VOPP1: variants seen among roughly 807,000 people sequenced by gnomAD.
VOPP1 encodes the protein VOPP1 WW domain binding protein.
In VOPP1, 8 loss-of-function variants were observed where a neutral mutation model predicts 23.5. The ratio of observed to expected loss-of-function variants is 0.34; its 90% CI spans 0.20 to 0.61. The LOEUF (loss-of-function observed/expected upper bound fraction) is 0.61, where lower values mean the gene tolerates loss of function less well. VOPP1 is among the 20% of genes least tolerant of loss of function. The pLI, the probability that VOPP1 is intolerant of heterozygous loss-of-function variation, is 0.78. For missense variants in VOPP1, 174 were observed against 238.1 expected (o/e 0.73, Z 1.77); for synonymous variants, 83 against 97.3 (o/e 0.85, Z 0.86).
intron 2 of VOPP1, among the ~76,000 whole-genome samples, chr7:55,503,424 G>T (rs973432445): frequency 3.9e-5 from 6 of 152,138 alleles, no homozygotes; most frequent in African/African-American, 1.4e-4. Flanking sequence ...TTAGCCTTTG[G>T]GTTACATAAA....
intron 1 of VOPP1, among the ~76,000 whole-genome samples, chr7:55,539,790 C>T (rs980592314): frequency 6.6e-6 from 1 of 152,024 alleles, no homozygotes; most frequent in Non-Finnish European, 1.5e-5. Context: ...GCTGAACCAA[C>T]TATATGGACA....
chr7:55,532,401 C>T (rs1241266155), intron 1 of VOPP1, among the ~76,000 whole-genome samples: 4 of 152,182 alleles, frequency 2.6e-5, no homozygotes, highest in Middle Eastern at 3.4e-3. Context: ...AACCACCTGG[C>T]GCATGCCCAC....
At chr7:55,457,390 G>A (rs932058025) in intron 4 of VOPP1, among the ~76,000 whole-genome samples, 2 of 152,028 alleles carry the variant, frequency 1.3e-5, no homozygotes, top group Non-Finnish European at 2.9e-5. Flanking sequence ...AGATGATTCC[G>A]TATGTTGGCT....
intron 1 of VOPP1, chr7:55,539,547 T>G (rs1458410234): frequency 2.0e-5 from 3 of 152,232 alleles, no homozygotes; most frequent in African/African-American, 7.2e-5. Context: ...GCTCTCTCCC[T>G]GCCTGTCCTT....
intron 1 of VOPP1, among the ~76,000 whole-genome samples, chr7:55,532,869 T>C (rs922926923): frequency 1.3e-5 from 2 of 152,228 alleles, no homozygotes; most frequent in African/African-American, 4.8e-5. Flanking sequence ...TCTGGTAATA[T>C]TTAACCTGGA....
rs58601889 is a variant in VOPP1, at chr7:55,529,364, CAAAAA to C, written c.55-8239_55-8235del. 5.6e-5 allele frequency among the ~76,000 whole-genome samples: 6 copies of C among 107,482 alleles called. No individual in the cohort carries two copies. The South Asian group carries it at 9.5e-4, about 17-fold the overall frequency. 70.5% of individuals were successfully genotyped at this position (107,482 alleles called of 152,430 possible). ...TGGGTGACAGAGCAAGATTCCGTCTCAAAAAAAAAAAAAAAAAAAAAAAAAGAGTC... is the reference window on the plus strand; with the variant it reads ...TGGGTGACAGAGCAAGATTCCGTCTCAAAAAAAAAAAAAAAAAAAAGAGTC... On this transcript the variant is annotated intron_variant, in intron 1 of 4. Transcript: ENST00000285279.
intron 2 of VOPP1, among the ~76,000 whole-genome samples, chr7:55,505,350 A>G (rs1794638641): frequency 6.6e-6 from 1 of 152,188 alleles, no homozygotes; most frequent in Non-Finnish European, 1.5e-5. Context: ...CCCAAAGTCC[A>G]GCAGTCTGCC....
chr7:55,528,178 AC>A (rs1258465419), intron 1 of VOPP1, among the ~76,000 whole-genome samples: 2 of 152,248 alleles, frequency 1.3e-5, no homozygotes, highest in African/African-American at 4.8e-5. Context: ...ATGTAGACAA[AC>A]ATAATGAGGA....
intron 1 of VOPP1, chr7:55,538,815 T>TAA (rs756997390): frequency 2.1e-4 from 28 of 132,400 alleles, no homozygotes; most frequent in African/African-American, 5.2e-4. Flanking sequence ...CAACATTTCT[T>TAA]AAAAAAAAAA....
chr7:55,459,945 G>A (rs1317735526), intron 4 of VOPP1, among the ~76,000 whole-genome samples: 1 of 151,936 alleles, frequency 6.6e-6, no homozygotes, highest in Admixed American at 6.6e-5. Context: ...GTTCCTTGAG[G>A]TGTATCACTA....
At chr7:55,506,029 G>A (rs966064367) in intron 2 of VOPP1, among the ~76,000 whole-genome samples, 22 of 152,064 alleles carry the variant, frequency 1.4e-4, no homozygotes, top group African/African-American at 5.3e-4. Context: ...AATTTCAATC[G>A]AGCACAAAAC....
At chr7:55,465,887 A>G (rs1281917688), downstream of VOPP1, among the ~76,000 whole-genome samples, 2 of 152,218 alleles carry the variant, frequency 1.3e-5, no homozygotes, top group Admixed American at 1.3e-4. Flanking sequence ...CTTGGCATCC[A>G]AAGAATGTTA....
At chr7:55,539,316 G>A (rs898195797) in intron 1 of VOPP1, among the ~76,000 whole-genome samples, 1 of 152,190 alleles carries the variant, frequency 6.6e-6, no homozygotes, top group Non-Finnish European at 1.5e-5. Context: ...TTGCACTCCA[G>A]CCTGGGCGAC....
chr7:55,564,243 G>GTCTCTGTCTCTCTC (rs1554302403), intron 1 of VOPP1, among the ~76,000 whole-genome samples: 2,518 of 125,964 alleles, frequency 0.02, 49 homozygotes, highest in African/African-American at 0.026. Context: ...CTCTGTCTCT[G>GTCTCTGTCTCTCTC]TCTCTCTCTC....
At position 55,555,125 on chromosome 7, in the gene VOPP1, G is replaced by A. The variant is rs190074987; in HGVS notation, c.54+17146C>T. 1.1e-4 allele frequency among the ~76,000 whole-genome samples: 16 copies of A among 152,296 alleles called. No individual in the cohort carries two copies. In the South Asian group the frequency reaches 1.2e-3, roughly 12 times the overall value. On this transcript the variant is annotated intron_variant, in intron 1 of 4. Coordinates refer to ENST00000285279, the MANE Select transcript of VOPP1 (RefSeq NM_030796.5). ...ATAGAGAAATATACTTTTTAAAAAG[G>A]AACCAGTCTTAAAATAAATTTCCAA...
At chr7:55,439,298 G>A (rs564493437) in intron 4 of VOPP1, among the ~76,000 whole-genome samples, 33 of 152,162 alleles carry the variant, frequency 2.2e-4, no homozygotes, top group African/African-American at 5.3e-4. Flanking sequence ...CCTGGAAGCC[G>A]TGTGTGGAGA....
At chr7:55,540,611 C>T (rs921172696) in intron 1 of VOPP1, among the ~76,000 whole-genome samples, 1 of 152,084 alleles carries the variant, frequency 6.6e-6, no homozygotes, top group Non-Finnish European at 1.5e-5. Context: ...ACCTGGTGCC[C>T]AGCCGAGTAA....
At chr7:55,487,653 T>A (rs1793239532) in intron 4 of VOPP1, among the ~76,000 whole-genome samples, 1 of 152,200 alleles carries the variant, frequency 6.6e-6, no homozygotes, top group South Asian at 2.1e-4. Context: ...AAAAACACTA[T>A]CCAATGCTCT....
At chr7:55,457,758 T>A (rs1018460604) in intron 4 of VOPP1, among the ~76,000 whole-genome samples, 5 of 152,208 alleles carry the variant, frequency 3.3e-5, no homozygotes, top group African/African-American at 1.2e-4. Flanking sequence ...ATGTCTTCTT[T>A]TGAGAAATGT....
Sources: gnomAD v4.1 joint callset for allele counts (sites outside exome capture counted in the v4.1 genomes callset) on GRCh38, gnomAD v4.1.1 for gene constraint, MANE v1.5 for transcripts, NCBI Gene and HGNC (gene_info 2026-07-23, HGNC 2026-07-21) for gene names.